Variants in SPATA7 observed in about 807,000 individuals in gnomAD.
SPATA7 encodes the protein spermatogenesis associated 7.
In SPATA7, 43 loss-of-function variants were observed where a neutral mutation model predicts 51.8. The observed-to-expected ratio is 0.83, with a 90% confidence interval of 0.65 to 1.07. The LOEUF (loss-of-function observed/expected upper bound fraction) is 1.07. SPATA7 is among the 50% of genes least tolerant of loss of function. SPATA7 has a pLI of 0.00. For synonymous variants in SPATA7, 230 were observed against 252.8 expected (o/e 0.91, Z 0.86); for missense variants, 683 against 701.3 (o/e 0.97, Z 0.30).
downstream of SPATA7, among the ~76,000 whole-genome samples, chr14:88,456,338 C>G (rs1031700132): frequency 6.6e-6 from 1 of 152,066 alleles, no homozygotes; most frequent in African/African-American, 2.4e-5. Flanking sequence ...ACAGTCCCAC[C>G]AACAGTGTAA....
At chr14:88,437,396 G>A in intron 10 of SPATA7, 147 bp from the exon 11 acceptor site, 1 of 614,392 alleles carries the variant, frequency 1.6e-6, no homozygotes, top group Non-Finnish European at 2.9e-6. Context: ...ACTTAGAACA[G>A]GAAAGGATTA....
In SPATA7 at chr14:88,416,794, C is replaced by T. The variant is rs80044281; in HGVS notation, c.322C>T (p.Arg108Ter). 86 of 1,606,728 alleles carry T rather than the reference C, an allele frequency of 5.4e-5. No homozygotes were observed. Among genetic ancestry groups the T allele is most frequent in the African/African-American group, 1.1e-4 (8 of 74,648 alleles). The change falls in exon 5 of 12, where the codon CGA becomes TGA. Residue 108 changes from arginine (R) to a stop codon, truncating the protein, a stop_gained. Coordinates refer to ENST00000393545, the MANE Select transcript of SPATA7 (RefSeq NM_018418.5). LOFTEE classifies it high-confidence loss of function. ...KEFKLTKTAM[R>*]ANYKNNSKSL... Reference sequence around the variant, plus strand: ...GTTCAAATTAACTAAAACTGCAATGCGAGCCAATTATAAAAATAATTCCAA... The same window carrying T: ...GTTCAAATTAACTAAAACTGCAATGTGAGCCAATTATAAAAATAATTCCAA...
intron 3 of SPATA7, among the ~76,000 whole-genome samples, chr14:88,450,325 T>G (rs1280357066): frequency 6.6e-6 from 1 of 152,164 alleles, no homozygotes; most frequent in African/African-American, 2.4e-5. Context: ...GAGGTACTAT[T>G]CTATTCATCG....
At chr14:88,437,776 C>A in intron 11 of SPATA7, 62 bp from the exon 12 acceptor site, 1 of 1,478,778 alleles carries the variant, frequency 6.8e-7, no homozygotes, top group Non-Finnish European at 9.1e-7. Context: ...ATTTTCAGCA[C>A]TGCAGTCAAA....
At position 88,469,063 on chromosome 14, in the gene SPATA7, C is replaced by T. The variant is rs1371201930; in HGVS notation, c.255-784C>T. 2 of 1,613,084 alleles carry T rather than the reference C, an allele frequency of 1.2e-6. No homozygotes were observed. The highest frequency in any genetic ancestry group is 2.2e-5 in the South Asian group (2 of 91,024). On this transcript the variant is annotated intron_variant, in intron 4 of 4. Coordinates refer to the SPATA7 transcript ENST00000556406. This position sits in a 1 kb window ranked among gnomAD's most constrained non-coding sequence, Gnocchi z 4.3. Reference sequence around the variant, plus strand: ...TTGTATGGCGTCGAACAGACTGGATCTCTTCAAGATATGCTGTGGAAAATC... The same window carrying T: ...TTGTATGGCGTCGAACAGACTGGATTTCTTCAAGATATGCTGTGGAAAATC...
At chr14:88,405,373 AC>A (rs1375892758) in intron 4 of SPATA7, among the ~76,000 whole-genome samples, 1 of 152,212 alleles carries the variant, frequency 6.6e-6, no homozygotes, top group Non-Finnish European at 1.5e-5. Context: ...GGCTACTTTT[AC>A]TTTTAAAAGC....
At chr14:88,462,222 C>T (rs938514184) in intron 4 of SPATA7, among the ~76,000 whole-genome samples, 1 of 152,198 alleles carries the variant, frequency 6.6e-6, no homozygotes, top group Non-Finnish European at 1.5e-5. Flanking sequence ...CATATGGTCA[C>T]AGTCTGACCT....
intron 4 of SPATA7, among the ~76,000 whole-genome samples, chr14:88,400,582 C>G (rs1049643084): frequency 6.6e-6 from 1 of 152,122 alleles, no homozygotes; most frequent in Admixed American, 6.5e-5. Flanking sequence ...GCCTGTAATC[C>G]CAGCACTTTG....
In SPATA7 at chr14:88,396,142, C is replaced by T. The variant is rs60770744; in HGVS notation, c.191-14C>T. 3 of 1,599,584 alleles carry T rather than the reference C, an allele frequency of 1.9e-6. No homozygotes were observed. The highest frequency in any genetic ancestry group is 3.3e-5 in the Admixed American group (2 of 59,928). On this transcript the variant is annotated splice_polypyrimidine_tract_variant and intron_variant, in intron 3 of 11. Transcript: ENST00000393545. ...TACTGACAATATTATTAAACTATTA[C>T]CTTTCTCTTTCAGCTGCAGTAGACT...
At position 88,452,491 on chromosome 14, in the gene SPATA7, A is replaced by G. The variant is rs530424796; in HGVS notation, c.178-2569A>G. Among the ~76,000 whole-genome samples the G allele has an allele frequency of 9.9e-5, 15 of 151,762 alleles. No individual in the cohort carries two copies. In the East Asian group the frequency reaches 2.9e-3, roughly 29 times the overall value. On this transcript the variant is annotated intron_variant, in intron 3 of 3. Coordinates refer to the SPATA7 transcript ENST00000554802. Reference sequence around the variant, plus strand: ...TGTGGGCGGGGCCATAGAGCTCCCAAGAGATTATGTCCTTTTTTTTGGAGT... The same window carrying G: ...TGTGGGCGGGGCCATAGAGCTCCCAGGAGATTATGTCCTTTTTTTTGGAGT...
At chr14:88,444,625 G>A (rs556661809) in intron 3 of SPATA7, among the ~76,000 whole-genome samples, 22 of 152,158 alleles carry the variant, frequency 1.4e-4, no homozygotes, top group Non-Finnish European at 2.5e-4. Context: ...TAGGTCTAAC[G>A]TTTAAGTCTT....
chr14:88,423,296 G>C (rs1343165577), intron 5 of SPATA7, among the ~76,000 whole-genome samples: 1 of 149,514 alleles, frequency 6.7e-6, no homozygotes, highest in East Asian at 2.0e-4. Context: ...CCAACACTTT[G>C]AGAGACTGAG....
At chr14:88,429,116 A>C in intron 7 of SPATA7, 1 of 301,576 alleles carries the variant, frequency 3.3e-6, no homozygotes, top group Non-Finnish European at 6.3e-6. Context: ...CAATTTCTTA[A>C]TGTCATTTAA....
chr14:88,432,821 T>G, intron 9 of SPATA7: 1 of 229,114 alleles, frequency 4.4e-6, no homozygotes. Flanking sequence ...CCCAGTGGAT[T>G]GCATTTGATT....
At chr14:88,453,632 A>G (rs2077266443) in intron 3 of SPATA7, among the ~76,000 whole-genome samples, 4 of 152,216 alleles carry the variant, frequency 2.6e-5, no homozygotes. Context: ...TTTTGTTACT[A>G]AAATTAGTTC....
chr14:88,403,051 G>T (rs1322087866), intron 4 of SPATA7, among the ~76,000 whole-genome samples: 1 of 150,668 alleles, frequency 6.6e-6, no homozygotes, highest in East Asian at 1.9e-4. Context: ...ACATACAAGT[G>T]GCCAATAAGT....
chr14:88,444,835 T>C (rs968323733), intron 3 of SPATA7, among the ~76,000 whole-genome samples: 11 of 152,224 alleles, frequency 7.2e-5, no homozygotes, highest in African/African-American at 2.7e-4. Context: ...TTCTGTTCCA[T>C]TGATCTATAT....
intron 4 of SPATA7, among the ~76,000 whole-genome samples, chr14:88,407,689 A>G (rs966774713): frequency 2.6e-5 from 4 of 152,280 alleles, no homozygotes; most frequent in Non-Finnish European, 2.9e-5. Flanking sequence ...GCACATGCCT[A>G]TGTCCTGAAT....
intron 5 of SPATA7, among the ~76,000 whole-genome samples, chr14:88,418,078 A>T (rs58256818): frequency 0.035 from 5,365 of 152,214 alleles, 311 homozygotes; most frequent in African/African-American, 0.12. Flanking sequence ...CTATTCTCTT[A>T]ATCTCTTCTG....
Sources: allele counts gnomAD v4.1 joint callset (sites outside exome capture counted in the v4.1 genomes callset), GRCh38; gene constraint gnomAD v4.1.1; non-coding constraint Gnocchi (gnomAD v3.1); transcripts MANE v1.5; gene names NCBI Gene and HGNC (gene_info 2026-07-23, HGNC 2026-07-21).